NEK1: variants seen among roughly 807,000 people sequenced by gnomAD.
The protein encoded by NEK1 is NIMA related kinase 1, also known as serine/threonine-protein kinase Nek1.
A neutral mutation model predicts 182.1 loss-of-function variants in NEK1; 137 were observed. The ratio of observed to expected loss-of-function variants is 0.75; its 90% CI spans 0.65 to 0.87. The LOEUF (loss-of-function observed/expected upper bound fraction) is 0.87. Among genes scored for constraint, NEK1 ranks in the 40% least tolerant of loss-of-function variants. The pLI is 0.00. For missense variants in NEK1, 1,391 were observed against 1,494.4 expected (o/e 0.93, Z 1.14); for synonymous variants, 513 against 492.2 (o/e 1.04, Z -0.56).
intron 20 of NEK1, 90 bp from the exon 21 acceptor site, chr4:169,508,421 G>A: frequency 2.0e-6 from 2 of 1,021,794 alleles, no homozygotes; most frequent in Non-Finnish European, 2.8e-6. Flanking sequence ...TTAAGGAACA[G>A]TGTTAATTTG....
rs749171729 is a variant in NEK1 at position 169,507,090 on chromosome 4, C to G, written c.1954G>C (p.Glu652Gln). The stretch of plus-strand genomic sequence containing the variant: ...TCATAAGCCTCCTTTCTCTTTCGTT[C>G]TAGTTGTTCTTTTAGTACAGCAGCA... ...ARAAVLKEQLERKRKEAYERE... is the reference protein window; with the variant it reads ...ARAAVLKEQLQRKRKEAYERE... Residue 652 changes from glutamate to glutamine, a missense_variant, in exon 23 of 36, where the codon GAA becomes CAA. Coordinates refer to ENST00000507142, the MANE Select transcript of NEK1 (RefSeq NM_001199397.3). 1.5e-5 allele frequency: 24 copies of G among 1,607,298 alleles called. 1 individual carries two copies. The South Asian group carries it at 2.4e-4, about 16-fold the overall frequency.
chr4:169,585,410 AC>A lies in NEK1; in HGVS notation c.745del (p.Val249SerfsTer10). 1 of 1,613,756 alleles carries A rather than the reference AC, an allele frequency of 6.2e-7. No homozygotes were observed. Among genetic ancestry groups the A allele is most frequent in the Non-Finnish European group, 8.5e-7 (1 of 1,179,728 alleles). ...AAAACCTTTCTCCAATATGGAGTTG[AC>A]TGATGGTCTATCCCTAGGATTTCTT... ...FKRNPRDRPS[V>X]NSILEKGFIA... On this transcript the variant is annotated frameshift_variant, in exon 10 of 36. Transcript: ENST00000507142. LOFTEE classifies it high-confidence loss of function.
intron 26 of NEK1, among the ~76,000 whole-genome samples, chr4:169,463,693 T>C (rs1392169606): frequency 6.6e-6 from 1 of 152,138 alleles, no homozygotes; most frequent in Non-Finnish European, 1.5e-5. Context: ...TCTGAAATGC[T>C]TGGGGCCAGA....
intron 19 of NEK1, among the ~76,000 whole-genome samples, chr4:169,533,880 C>T (rs1758049676): frequency 6.6e-6 from 1 of 152,136 alleles, no homozygotes; most frequent in African/African-American, 2.4e-5. Flanking sequence ...TAAGTACTCA[C>T]ATTGAAAGCA....
rs6850061 is a variant in NEK1, at chr4:169,410,903, C to T, written c.3223-4156G>A. ...CACTATCCCCTAAAGTGAAGAAACACGAGCTGACTGAAGGCAAATTTGCAA... is the reference window on the plus strand; with the variant it reads ...CACTATCCCCTAAAGTGAAGAAACATGAGCTGACTGAAGGCAAATTTGCAA... On this transcript the variant is annotated intron_variant, in intron 31 of 35. Coordinates refer to ENST00000507142, the MANE Select transcript of NEK1 (RefSeq NM_001199397.3). Among the ~76,000 whole-genome samples, 1,381 of 152,314 alleles carry T rather than the reference C, an allele frequency of 9.1e-3. 22 individuals carry two copies. The highest frequency in any genetic ancestry group is 0.03 in the African/African-American group (1,258 of 41,576).
chr4:169,561,982 G>A (rs764588116), intron 13 of NEK1, 91 bp from the exon 14 acceptor site: 6 of 1,142,502 alleles, frequency 5.3e-6, no homozygotes, highest in African/African-American at 1.8e-5. Flanking sequence ...GCAGAGGTAT[G>A]TTCAATGAGG....
intron 19 of NEK1, among the ~76,000 whole-genome samples, chr4:169,522,509 G>T (rs942758249): frequency 6.6e-6 from 1 of 152,194 alleles, no homozygotes; most frequent in East Asian, 1.9e-4. Flanking sequence ...TTAGCAATCG[G>T]CTTCTAGCCT....
At chr4:169,576,267 T>G (rs891469919) in intron 12 of NEK1, among the ~76,000 whole-genome samples, 4 of 152,168 alleles carry the variant, frequency 2.6e-5, no homozygotes, top group African/African-American at 7.2e-5. Flanking sequence ...ACCTGACCTA[T>G]GATAGATTTT....
intron 19 of NEK1, among the ~76,000 whole-genome samples, chr4:169,515,007 C>A (rs1754899896): frequency 6.6e-6 from 1 of 152,140 alleles, no homozygotes; most frequent in African/African-American, 2.4e-5. Context: ...TCAGCTCTCA[C>A]ACATTTTTGT....
chr4:169,596,426 CA>C (rs1429207719), intron 5 of NEK1, among the ~76,000 whole-genome samples: 2 of 152,052 alleles, frequency 1.3e-5, no homozygotes, highest in Non-Finnish European at 2.9e-5. Flanking sequence ...GGGAGACTAT[CA>C]AAAAAACTCA....
At chr4:169,575,769 C>T (rs988322422) in intron 12 of NEK1, among the ~76,000 whole-genome samples, 5 of 152,170 alleles carry the variant, frequency 3.3e-5, no homozygotes, top group Non-Finnish European at 7.3e-5. Flanking sequence ...GAGCTACTGC[C>T]ATACCCTACC....
At chr4:169,593,513 C>G (rs72974761) in intron 5 of NEK1, among the ~76,000 whole-genome samples, 14,729 of 152,164 alleles carry the variant, frequency 0.097, 791 homozygotes, top group East Asian at 0.17. Context: ...TAAAGCTGGA[C>G]AGAAGAGGTG....
intron 19 of NEK1, among the ~76,000 whole-genome samples, chr4:169,534,712 C>T (rs1245579300): frequency 1.3e-5 from 2 of 151,914 alleles, no homozygotes; most frequent in South Asian, 2.1e-4. Context: ...CCAAAGCTTA[C>T]AAGCAAACTT....
chr4:169,541,392 T>A (rs999229814), intron 18 of NEK1, among the ~76,000 whole-genome samples: 1 of 152,040 alleles, frequency 6.6e-6, no homozygotes, highest in African/African-American at 2.4e-5. Context: ...CTTATAATAT[T>A]AAAAATCCTA....
chr4:169,496,033 G>A (rs1342794636), intron 23 of NEK1, among the ~76,000 whole-genome samples: 2 of 152,214 alleles, frequency 1.3e-5, no homozygotes, highest in African/African-American at 4.8e-5. Context: ...TCCCACCCAT[G>A]AGCATGGAAT....
At chr4:169,550,989 A>T (rs1274045607) in intron 18 of NEK1, among the ~76,000 whole-genome samples, 1 of 152,252 alleles carries the variant, frequency 6.6e-6, no homozygotes, top group East Asian at 1.9e-4. Context: ...TAAATTCGCA[A>T]ATACGGAATC....
intron 23 of NEK1, among the ~76,000 whole-genome samples, chr4:169,481,131 T>C (rs57818220): frequency 0.097 from 14,767 of 152,290 alleles, 802 homozygotes; most frequent in East Asian, 0.17. Flanking sequence ...CATGAGATTG[T>C]AGCAATTCAG....
chr4:169,394,238 G>T lies in NEK1; in HGVS notation c.*272C>A. Reference sequence around the variant, plus strand: ...TTCAAAACCATTAAGTCAGGTTCTGGGTCAATGTTTCCTATGCTTTGGTTG... The same window carrying T: ...TTCAAAACCATTAAGTCAGGTTCTGTGTCAATGTTTCCTATGCTTTGGTTG... On this transcript the variant is annotated 3_prime_UTR_variant, in exon 36 of 36. Transcript: ENST00000507142. The T allele has an allele frequency of 3.3e-6, 1 of 303,252 alleles. No individual in the cohort carries two copies. 18.8% of individuals were successfully genotyped at this position (303,252 alleles called of 1,614,324 possible).
intron 27 of NEK1, among the ~76,000 whole-genome samples, chr4:169,460,391 A>C (rs761192182): frequency 2.0e-4 from 31 of 151,964 alleles, no homozygotes; most frequent in Non-Finnish European, 3.1e-4. Context: ...AAACCATCAG[A>C]TCTCGTGAGA....
Sources: allele counts gnomAD v4.1 joint callset (sites outside exome capture counted in the v4.1 genomes callset), GRCh38; gene constraint gnomAD v4.1.1; transcripts MANE v1.5; gene names NCBI Gene and HGNC (gene_info 2026-07-23, HGNC 2026-07-21).